The following CDH9 variants were observed in gnomAD, a reference collection of about 807,000 sequenced individuals.
The protein encoded by CDH9 is cadherin 9.
A neutral mutation model predicts 70.9 loss-of-function variants in CDH9; 28 were observed. The ratio of observed to expected loss-of-function variants is 0.40; its 90% confidence interval spans 0.29 to 0.54. CDH9 has a LOEUF of 0.54. CDH9 is among the 20% of genes least tolerant of loss of function. The pLI, the probability that CDH9 is intolerant of heterozygous loss-of-function variation, is 0.59. For missense variants in CDH9, 874 were observed against 984.4 expected (o/e 0.89, Z 1.50); for synonymous variants, 409 against 343.1 (o/e 1.19, Z -2.12).
At chr5:26,900,290 CTCTT>C (rs1740831079) in intron 7 of CDH9, among the ~76,000 whole-genome samples, 1 of 152,024 alleles carries the variant, frequency 6.6e-6, no homozygotes, top group African/African-American at 2.4e-5. Flanking sequence ...TCTGTGCAAA[CTCTT>C]TCAGAAAATT....
At chr5:26,925,649 C>T (rs189172291) in intron 2 of CDH9, among the ~76,000 whole-genome samples, 1 of 152,140 alleles carries the variant, frequency 6.6e-6, no homozygotes, top group Admixed American at 6.5e-5. Context: ...AATGGTATTG[C>T]CTAGGTTTTC....
intron 3 of CDH9, among the ~76,000 whole-genome samples, chr5:26,914,383 A>G (rs1215129367): frequency 6.6e-6 from 1 of 151,986 alleles, no homozygotes; most frequent in African/African-American, 2.4e-5. Flanking sequence ...GCACTGGTCG[A>G]CCTATACAAA....
At chr5:26,976,108 G>A (rs1742299226) in intron 2 of CDH9, among the ~76,000 whole-genome samples, 1 of 152,136 alleles carries the variant, frequency 6.6e-6, no homozygotes. Context: ...ATTTAATGAG[G>A]AGGAAAAAGA....
intron 2 of CDH9, among the ~76,000 whole-genome samples, chr5:26,934,255 C>A (rs893873876): frequency 6.6e-6 from 1 of 152,094 alleles, no homozygotes; most frequent in Non-Finnish European, 1.5e-5. Flanking sequence ...GTCTTGACCC[C>A]ATGAGTTTGT....
chr5:26,927,647 A>T (rs1020172369), intron 2 of CDH9, among the ~76,000 whole-genome samples: 2 of 152,060 alleles, frequency 1.3e-5, no homozygotes, highest in Non-Finnish European at 2.9e-5. Context: ...TCTAGTCTAC[A>T]TTAAGCATTC....
chr5:26,886,207 TA>T, intron 9 of CDH9, 124 bp from the exon 10 acceptor site: 1 of 1,167,490 alleles, frequency 8.6e-7, no homozygotes. Context: ...GAAAACAAAA[TA>T]AATGCCATTT....
intron 2 of CDH9, among the ~76,000 whole-genome samples, chr5:26,982,737 C>T (rs985151612): frequency 6.6e-6 from 1 of 151,914 alleles, no homozygotes; most frequent in African/African-American, 2.4e-5. Context: ...CGCCCAGGCT[C>T]GATCTCGGCT....
intron 1 of CDH9, among the ~76,000 whole-genome samples, chr5:27,019,149 A>T (rs1193214431): frequency 1.3e-5 from 2 of 151,990 alleles, no homozygotes; most frequent in East Asian, 3.9e-4. Flanking sequence ...AGTAGACTCA[A>T]TTTCATGGAA....
At chr5:26,895,035 A>T (rs1740725624) in intron 7 of CDH9, among the ~76,000 whole-genome samples, 1 of 152,100 alleles carries the variant, frequency 6.6e-6, no homozygotes, top group African/African-American at 2.4e-5. Context: ...TAGCACAAAT[A>T]ATCTAAACTC....
chr5:26,974,162 TG>T (rs1356397827), intron 2 of CDH9, among the ~76,000 whole-genome samples: 1 of 152,134 alleles, frequency 6.6e-6, no homozygotes, highest in African/African-American at 2.4e-5. Context: ...GAGAATCGCT[TG>T]AACCTGGGAG....
chr5:26,985,003 C>A (rs1742465394), intron 2 of CDH9, among the ~76,000 whole-genome samples: 3 of 152,206 alleles, frequency 2.0e-5, no homozygotes, highest in South Asian at 4.1e-4. Flanking sequence ...CTCTTCTAAT[C>A]CATCCTGACA....
chr5:27,030,874 A>G (rs1044282965), intron 1 of CDH9, among the ~76,000 whole-genome samples: 7 of 151,904 alleles, frequency 4.6e-5, no homozygotes, highest in African/African-American at 1.7e-4. Context: ...ATCTAGATAT[A>G]ATTATATACT....
rs1554001722 is a variant in CDH9 at position 26,977,489 on chromosome 5, A to ATATATATATATATATATATG, written c.228+10597_228+10616dup. ...TATGTGTGCGTGTGTGTGTGTGTAT[A>ATATATATATATATATATATG]TATATATATATATATATATGGCACT... On this transcript the variant is annotated intron_variant, in intron 2 of 11. Transcript: ENST00000231021. 8.6e-3 allele frequency among the ~76,000 whole-genome samples: 1,103 copies of ATATATATATATATATATATG among 128,974 alleles called. 33 individuals are homozygous for ATATATATATATATATATATG. Among genetic ancestry groups the ATATATATATATATATATATG allele is most frequent in the African/African-American group, 0.048 (1,056 of 21,832 alleles). The allele number at this position is 128,974 out of a possible 152,430, so 84.6% of individuals were successfully genotyped here. A position where few individuals can be genotyped will look rare whatever the true frequency, so the allele number is the denominator to read the frequency against.
chr5:27,029,562 C>T (rs1426953604), intron 1 of CDH9, among the ~76,000 whole-genome samples: 1 of 151,966 alleles, frequency 6.6e-6, no homozygotes, highest in East Asian at 1.9e-4. Flanking sequence ...TGAAGGTGCT[C>T]TTCCCAGCGC....
At chr5:26,932,418 A>AG (rs147584678) in intron 2 of CDH9, among the ~76,000 whole-genome samples, 14,546 of 152,088 alleles carry the variant, frequency 0.096, 868 homozygotes, top group East Asian at 0.17. Flanking sequence ...AGAAAAAAAA[A>AG]CAAAATATTT....
chr5:26,982,762 A>C (rs1460047590), intron 2 of CDH9, among the ~76,000 whole-genome samples: 1 of 151,880 alleles, frequency 6.6e-6, no homozygotes, highest in Non-Finnish European at 1.5e-5. Flanking sequence ...GGCTCACTGC[A>C]ACCTCCGCCT....
intron 2 of CDH9, among the ~76,000 whole-genome samples, chr5:26,936,245 T>C (rs1216853494): frequency 6.6e-6 from 1 of 152,116 alleles, no homozygotes; most frequent in Non-Finnish European, 1.5e-5. Context: ...GCCATTTAAA[T>C]AAAAATTTTT....
At chr5:26,881,654 T>C (rs373731573) in intron 11 of CDH9, 31 bp from the exon 12 acceptor site, 2 of 1,575,632 alleles carry the variant, frequency 1.3e-6, no homozygotes, top group Admixed American at 1.8e-5. Flanking sequence ...AATAGTGAGA[T>C]TTCATGAGTC....
intron 1 of CDH9, among the ~76,000 whole-genome samples, chr5:27,021,393 A>T (rs1404304392): frequency 6.6e-6 from 1 of 151,890 alleles, no homozygotes; most frequent in Non-Finnish European, 1.5e-5. Context: ...AAAATATATT[A>T]CAAAAGTTGG....
Sources: gnomAD v4.1 joint callset for allele counts (sites outside exome capture counted in the v4.1 genomes callset) on GRCh38, gnomAD v4.1.1 for gene constraint, MANE v1.5 for transcripts, NCBI Gene and HGNC (gene_info 2026-07-23, HGNC 2026-07-21) for gene names.